The following KCNN2 variants were observed in gnomAD, a reference collection of about 807,000 sequenced individuals.
The protein encoded by KCNN2 is small conductance calcium-activated potassium channel protein 2.
A neutral mutation model predicts 55.5 loss-of-function variants in KCNN2; 24 were observed. The observed-to-expected ratio is 0.43, with a 90% CI of 0.31 to 0.61. KCNN2 has a LOEUF of 0.61. KCNN2 is among the 20% of genes least tolerant of loss of function. The pLI is 0.08. For synonymous variants in KCNN2, 431 were observed against 336.1 expected, an observed-to-expected ratio of 1.28 and a Z score of -3.09; for missense variants, 754 against 853.6, an observed-to-expected ratio of 0.88 and a Z score of 1.45.
chr5:114,380,887 C>T (rs568618404), intron 2 of KCNN2, among the ~76,000 whole-genome samples: 2 of 152,238 alleles, frequency 1.3e-5, no homozygotes, highest in South Asian at 4.1e-4. Flanking sequence ...AGGGCAGCTC[C>T]CTGGGGGCAG....
intron 1 of KCNN2, among the ~76,000 whole-genome samples, chr5:114,081,302 A>T (rs753489692): frequency 2.0e-5 from 3 of 152,166 alleles, no homozygotes; most frequent in Non-Finnish European, 4.4e-5. Flanking sequence ...CCTAAAATTT[A>T]TATGGAATCT....
At chr5:114,490,736 A>C (rs1747804409) in intron 6 of KCNN2, 1 of 398,138 alleles carries the variant, frequency 2.5e-6, no homozygotes, top group Non-Finnish European at 4.4e-6. Context: ...ACATTTGCAG[A>C]ATTTTCTACT....
intron 2 of KCNN2, among the ~76,000 whole-genome samples, chr5:114,333,187 A>G (rs1260338681): frequency 6.6e-6 from 1 of 152,244 alleles, no homozygotes; most frequent in Non-Finnish European, 1.5e-5. Context: ...AAAAGGAAGA[A>G]TGGAATGTGA....
chr5:114,301,294 A>T (rs1036873346), intron 2 of KCNN2, among the ~76,000 whole-genome samples: 2 of 152,128 alleles, frequency 1.3e-5, no homozygotes, highest in Non-Finnish European at 2.9e-5. Flanking sequence ...TTATCTCACT[A>T]TGTCTTGTGA....
At chr5:114,092,762 T>C (rs763686536) in intron 1 of KCNN2, among the ~76,000 whole-genome samples, 7 of 152,326 alleles carry the variant, frequency 4.6e-5, no homozygotes, top group Middle Eastern at 3.4e-3. Flanking sequence ...GCTTGCCTGC[T>C]CTGAAGCAAT....
At chr5:114,122,985 G>A (rs1561484815) in intron 1 of KCNN2, among the ~76,000 whole-genome samples, 1 of 152,198 alleles carries the variant, frequency 6.6e-6, no homozygotes, top group Non-Finnish European at 1.5e-5. Context: ...TAACCAGGAG[G>A]TTTTGGAGAA....
chr5:114,080,075 G>A (rs2112538978), intron 1 of KCNN2, among the ~76,000 whole-genome samples: 1 of 152,240 alleles, frequency 6.6e-6, no homozygotes. Flanking sequence ...ATTGCTTGGA[G>A]ATGATGTTAG....
At chr5:114,099,492 A>C (rs1413627284) in intron 1 of KCNN2, among the ~76,000 whole-genome samples, 1 of 152,136 alleles carries the variant, frequency 6.6e-6, no homozygotes, top group Non-Finnish European at 1.5e-5. Context: ...AAAAGACAGG[A>C]TCTCACTCTG....
chr5:114,060,578 G>C (rs1416805252), intron 1 of KCNN2, among the ~76,000 whole-genome samples: 2 of 152,214 alleles, frequency 1.3e-5, no homozygotes, highest in African/African-American at 4.8e-5. Flanking sequence ...CCTTTCCTCA[G>C]ACAGCTGAGT....
At chr5:114,434,737 G>T (rs989957117) in intron 3 of KCNN2, among the ~76,000 whole-genome samples, 1 of 152,094 alleles carries the variant, frequency 6.6e-6, no homozygotes, top group Non-Finnish European at 1.5e-5. Context: ...TGCTTCTCAG[G>T]TTTTTTTCCT....
intron 2 of KCNN2, among the ~76,000 whole-genome samples, chr5:114,385,984 C>G (rs1245933095): frequency 1.3e-5 from 2 of 151,476 alleles, no homozygotes; most frequent in Non-Finnish European, 2.9e-5. Context: ...CGAGACCAGC[C>G]TGGCTAACAT....
intron 1 of KCNN2, among the ~76,000 whole-genome samples, chr5:114,088,198 T>C (rs1433517926): frequency 6.6e-6 from 1 of 152,200 alleles, no homozygotes; most frequent in Non-Finnish European, 1.5e-5. Context: ...CAGACATTTA[T>C]TGTTTTATGG....
chr5:114,444,092 T>G (rs1244312134), intron 3 of KCNN2, among the ~76,000 whole-genome samples: 1 of 152,210 alleles, frequency 6.6e-6, no homozygotes, highest in Non-Finnish European at 1.5e-5. Flanking sequence ...GGACTAAGCC[T>G]CTGTCTTCTC....
intron 2 of KCNN2, among the ~76,000 whole-genome samples, chr5:114,388,285 T>C (rs936685644): frequency 5.3e-5 from 8 of 152,216 alleles, no homozygotes; most frequent in Admixed American, 4.6e-4. Context: ...TATTTAAACA[T>C]TCATTTCTTT....
At chr5:114,277,165 C>A (rs1271375553) in intron 2 of KCNN2, among the ~76,000 whole-genome samples, 1 of 152,112 alleles carries the variant, frequency 6.6e-6, no homozygotes, top group African/African-American at 2.4e-5. Context: ...AATATTTGCC[C>A]CCAATCTCTT....
intron 2 of KCNN2, among the ~76,000 whole-genome samples, chr5:114,302,493 C>G (rs892012248): frequency 6.6e-6 from 1 of 151,554 alleles, no homozygotes; most frequent in Non-Finnish European, 1.5e-5. Flanking sequence ...ATGGAAGAAA[C>G]TGAAGAAAAT....
intron 2 of KCNN2, among the ~76,000 whole-genome samples, chr5:114,236,117 T>C (rs1006361522): frequency 2.0e-5 from 3 of 152,192 alleles, no homozygotes; most frequent in African/African-American, 7.2e-5. Context: ...ATATATACTT[T>C]TCTCCTCTTT....
chr5:114,397,334 C>T (rs552481718), intron 2 of KCNN2, among the ~76,000 whole-genome samples: 10 of 152,294 alleles, frequency 6.6e-5, no homozygotes, highest in Non-Finnish European at 1.3e-4. Flanking sequence ...ATTTACATTC[C>T]TACCAGAAGT....
At chr5:114,355,529 A>G (rs1480650255) in intron 2 of KCNN2, among the ~76,000 whole-genome samples, 1 of 152,108 alleles carries the variant, frequency 6.6e-6, no homozygotes, top group African/African-American at 2.4e-5. Context: ...ACTTTTGCTA[A>G]CTCTTTAAGC....
Sources: gnomAD v4.1 joint callset for allele counts (sites outside exome capture counted in the v4.1 genomes callset) on GRCh38, gnomAD v4.1.1 for gene constraint, MANE v1.5 for transcripts, NCBI Gene and HGNC (gene_info 2026-07-23, HGNC 2026-07-21) for gene names.